TANGO2: variants seen among roughly 807,000 people sequenced by gnomAD.
TANGO2 encodes transport and golgi organization 2 homolog.
TANGO2 carries 26 observed loss-of-function variants against 39.1 expected under a neutral mutation model. The ratio of observed to expected loss-of-function variants is 0.67; its 90% CI spans 0.49 to 0.92. The LOEUF (loss-of-function observed/expected upper bound fraction) is 0.92, where lower values mean the gene tolerates loss of function less well. Ranked by LOEUF, TANGO2 falls within the 40% of genes least tolerant of loss-of-function variation. The probability of loss-of-function intolerance (pLI) is 0.00; values close to 1 mark genes in which losing one functional copy is unlikely to be tolerated. For missense variants in TANGO2, 326 were observed against 360.1 expected (o/e 0.91, Z 0.77); for synonymous variants, 131 against 144.5 (o/e 0.91, Z 0.67).
intron 7 of TANGO2, 89 bp downstream of exon 7, chr22:20,061,772 T>C (rs1460112172): frequency 2.1e-6 from 3 of 1,439,598 alleles, no homozygotes; most frequent in South Asian, 1.5e-5. Context: ...GGGAGGCCCA[T>C]GGAAGTGGCC....
intron 2 of TANGO2, among the ~76,000 whole-genome samples, chr22:20,039,367 G>A (rs552595610): frequency 6.5e-4 from 99 of 151,560 alleles, no homozygotes; most frequent in African/African-American, 2.3e-3. Flanking sequence ...GGTGGCTCAC[G>A]CCTGTAATCC....
At position 20,065,229 on chromosome 22, in the gene TANGO2, C is replaced by G. The variant is rs2049059506; in HGVS notation, c.*567C>G. The stretch of plus-strand genomic sequence containing the variant: ...GTATTTAAAAGCGGCCCCTCCTCTC[C>G]TGTGGCCACAGAACACAGGCGTGCT... On this transcript the variant is annotated 3_prime_UTR_variant, in exon 9 of 9. Coordinates refer to ENST00000327374, the MANE Select transcript of TANGO2 (RefSeq NM_152906.7). The G allele has an allele frequency of 6.5e-6, 1 of 153,466 alleles. No individual in the cohort carries two copies. Among genetic ancestry groups the G allele is most frequent in the Admixed American group, 6.4e-5 (1 of 15,552 alleles). 9.5% of individuals were successfully genotyped at this position (153,466 alleles called of 1,614,324 possible). A position where few individuals can be genotyped will look rare whatever the true frequency, so the allele number is the denominator to read the frequency against.
chr22:20,036,239 G>A (rs957835256), intron 1 of TANGO2, among the ~76,000 whole-genome samples: 24 of 152,084 alleles, frequency 1.6e-4, no homozygotes, highest in Admixed American at 1.4e-3. Flanking sequence ...CACAGTACTC[G>A]GCCTATGAGG....
chr22:20,054,961 A>C (rs763009908), intron 5 of TANGO2: 5 of 152,296 alleles, frequency 3.3e-5, no homozygotes, highest in Non-Finnish European at 7.3e-5. Context: ...AAAGTTGCCA[A>C]AGACCATGGT....
At chr22:20,037,708 G>T (rs1433297922) in intron 2 of TANGO2, among the ~76,000 whole-genome samples, 1 of 152,162 alleles carries the variant, frequency 6.6e-6, no homozygotes, top group Admixed American at 6.5e-5. Flanking sequence ...ACAGCATGCT[G>T]CAGGGAAGGT....
rs770143323 is a variant in TANGO2 at position 20,057,087 on chromosome 22, G to A, written c.451+1074G>A. 4.9e-6 allele frequency: 2 copies of A among 409,370 alleles called. No homozygotes were observed. The highest frequency in any genetic ancestry group is 2.6e-5 in the Admixed American group (1 of 39,090). The allele number at this position is 409,370 out of a possible 1,614,324, so 25.4% of individuals were successfully genotyped here. ...CACCAAGTGAGGTTGCAGGTCACAGGTGCACACCTTCCCACTGGGTGTACA... is the reference window on the plus strand; with the variant it reads ...CACCAAGTGAGGTTGCAGGTCACAGATGCACACCTTCCCACTGGGTGTACA... On this transcript the variant is annotated intron_variant, in intron 6 of 8. Coordinates refer to ENST00000327374, the MANE Select transcript of TANGO2 (RefSeq NM_152906.7). The surrounding 1 kb of genome is among the most constrained non-coding windows in gnomAD (Gnocchi z 4.1).
intron 3 of TANGO2, among the ~76,000 whole-genome samples, chr22:20,050,284 A>G (rs551441644): frequency 1.3e-5 from 2 of 152,044 alleles, no homozygotes; most frequent in South Asian, 4.2e-4. Context: ...AGGTCAGCTC[A>G]ACTTGAGACC....
At chr22:20,040,465 C>A (rs2043688543) in intron 2 of TANGO2, among the ~76,000 whole-genome samples, 1 of 152,200 alleles carries the variant, frequency 6.6e-6, no homozygotes, top group Non-Finnish European at 1.5e-5. Context: ...GACCCCTGTT[C>A]ACCTGCAGGG....
At chr22:20,055,082 A>G (rs2047091719) in intron 5 of TANGO2, 1 of 152,246 alleles carries the variant, frequency 6.6e-6, no homozygotes, top group Non-Finnish European at 1.5e-5. Context: ...GGAAGGCACC[A>G]TGCCTGGCTC....
intron 1 of TANGO2, among the ~76,000 whole-genome samples, chr22:20,035,019 G>C (rs1288893838): frequency 6.6e-6 from 1 of 152,202 alleles, no homozygotes; most frequent in East Asian, 1.9e-4. Context: ...CCCTGTGGGC[G>C]CTTCCAGGGC....
At chr22:20,060,543 G>A (rs2048191604) in intron 6 of TANGO2, among the ~76,000 whole-genome samples, 1 of 152,086 alleles carries the variant, frequency 6.6e-6, no homozygotes, top group Admixed American at 6.5e-5. Context: ...GGGATTATAG[G>A]AGTGAGCCAC....
At chr22:20,050,218 C>G (rs1352503982) in intron 3 of TANGO2, among the ~76,000 whole-genome samples, 2 of 151,946 alleles carry the variant, frequency 1.3e-5, no homozygotes, top group Non-Finnish European at 2.9e-5. Flanking sequence ...AAAACAAAAA[C>G]AAACAAAAAA....
chr22:20,031,224 T>C (rs1315929700), intron 1 of TANGO2, among the ~76,000 whole-genome samples: 1 of 149,516 alleles, frequency 6.7e-6, no homozygotes, highest in African/African-American at 2.5e-5. Flanking sequence ...CCGGGTGTGG[T>C]GGTATGCAGC....
At chr22:20,053,704 C>G (rs2046836366) in intron 5 of TANGO2, 153 bp downstream of exon 5, 1 of 675,706 alleles carries the variant, frequency 1.5e-6, no homozygotes, top group African/African-American at 1.8e-5. Context: ...AGGACTGAGC[C>G]TGTCACAGAT....
intron 1 of TANGO2, among the ~76,000 whole-genome samples, chr22:20,031,291 C>T (rs959279353): frequency 2.6e-5 from 4 of 151,712 alleles, no homozygotes; most frequent in African/African-American, 7.3e-5. Flanking sequence ...CCCAGGAGTT[C>T]GAGGCTGCAG....
intron 3 of TANGO2, among the ~76,000 whole-genome samples, chr22:20,049,786 TA>T (rs1013447456): frequency 1.5e-4 from 23 of 152,208 alleles, no homozygotes; most frequent in Admixed American, 1.2e-3. Flanking sequence ...TTAATTGCTA[TA>T]AAACGAAAAG....
Position 20,064,733 on chromosome 22 carries a change from T to A in TANGO2, c.*71T>A, listed in dbSNP as rs2049001146. 1.3e-6 allele frequency: 2 copies of A among 1,585,430 alleles called. No homozygotes were observed. The highest frequency in any genetic ancestry group is 2.7e-5 in the African/African-American group (2 of 74,148). Reference sequence around the variant, plus strand: ...TGAGGGGCACTGTGGACAGGAAACCTTCCTTTGCCATACTGCATTGCACTG... The same window carrying A: ...TGAGGGGCACTGTGGACAGGAAACCATCCTTTGCCATACTGCATTGCACTG... On this transcript the variant is annotated 3_prime_UTR_variant, in exon 9 of 9. Coordinates refer to ENST00000327374, the MANE Select transcript of TANGO2 (RefSeq NM_152906.7).
At chr22:20,055,825 C>CAAGTA in intron 5 of TANGO2, 118 bp from the exon 6 acceptor site, 1 of 898,280 alleles carries the variant, frequency 1.1e-6, no homozygotes, top group South Asian at 1.4e-5. Flanking sequence ...CTGACCTGGC[C>CAAGTA]GCAGCGGGCT....
At chr22:20,063,933 C>A (rs912347920) in intron 8 of TANGO2, among the ~76,000 whole-genome samples, 33 of 152,256 alleles carry the variant, frequency 2.2e-4, no homozygotes, top group Admixed American at 1.1e-3. Context: ...TGGGTCCCAC[C>A]CCACGGGGTG....
Sources: allele counts gnomAD v4.1 joint callset (sites outside exome capture counted in the v4.1 genomes callset), GRCh38; gene constraint gnomAD v4.1.1; non-coding constraint Gnocchi (gnomAD v3.1); transcripts MANE v1.5; gene names NCBI Gene and HGNC (gene_info 2026-07-23, HGNC 2026-07-21).